The following CECR2 variants were observed in gnomAD, a reference collection of about 807,000 sequenced individuals.
CECR2 encodes CECR2 histone acetyl-lysine reader, also known as chromatin remodeling regulator CECR2.
CECR2 carries 30 observed loss-of-function variants against 154.5 expected under a neutral mutation model. The ratio of observed to expected loss-of-function variants is 0.19; its 90% CI spans 0.15 to 0.26. The LOEUF is 0.26. CECR2 is among the 10% of genes least tolerant of loss of function. The probability of loss-of-function intolerance (pLI) is 1.00; values close to 1 mark genes in which losing one functional copy is unlikely to be tolerated. For missense variants in CECR2, 1,743 were observed against 1,829.3 expected (o/e 0.95, Z 0.86); for synonymous variants, 725 against 683.7 (o/e 1.06, Z -0.94).
At chr22:17,533,335 A>AG (rs1481159012) in intron 9 of CECR2, among the ~76,000 whole-genome samples, 4 of 148,062 alleles carry the variant, frequency 2.7e-5, no homozygotes. Flanking sequence ...AAAAAAAAAA[A>AG]AAAAATTATG....
chr22:17,537,988 C>T (rs746230721), intron 10 of CECR2, among the ~76,000 whole-genome samples: 3 of 145,972 alleles, frequency 2.1e-5, no homozygotes, highest in South Asian at 4.3e-4. Flanking sequence ...AGTGAGACTC[C>T]GTCCAAAAAA....
chr22:17,480,425 C>CACACACAT (rs1181880212), intron 2 of CECR2, among the ~76,000 whole-genome samples: 1 of 115,106 alleles, frequency 8.7e-6, no homozygotes, highest in Non-Finnish European at 1.8e-5. Flanking sequence ...ATAATACACA[C>CACACACAT]ACACACACAC....
At chr22:17,427,903 C>A (rs1224174906) in intron 1 of CECR2, among the ~76,000 whole-genome samples, 1 of 152,214 alleles carries the variant, frequency 6.6e-6, no homozygotes, top group African/African-American at 2.4e-5. Flanking sequence ...AATCGCCACA[C>A]TGTCTTCCAA....
chr22:17,447,033 C>CTG (rs1339121774), intron 1 of CECR2, among the ~76,000 whole-genome samples: 5 of 114,108 alleles, frequency 4.4e-5, no homozygotes, highest in Admixed American at 1.9e-4. Flanking sequence ...CGTTTACAAT[C>CTG]TTTTTTTTTT....
intron 1 of CECR2, among the ~76,000 whole-genome samples, chr22:17,431,816 G>GTACAAGGGGACCCCTCGGCGGCTTT: frequency 6.6e-6 from 1 of 151,624 alleles, no homozygotes; most frequent in South Asian, 2.1e-4. Flanking sequence ...TTCACAAACC[G>GTACAAGGGGACCCCTCGGCGGCTTT]TACAATTAAC....
At chr22:17,444,630 C>T (rs1054297426) in intron 1 of CECR2, among the ~76,000 whole-genome samples, 6 of 151,728 alleles carry the variant, frequency 4.0e-5, no homozygotes, top group Non-Finnish European at 7.4e-5. Context: ...AAAAAAAAAA[C>T]TTGAACTACC....
rs1238851558 is a variant in CECR2 at position 17,542,160 on chromosome 22, C to T, written c.2017C>T (p.Pro673Ser). ...QQRQPFTMQP[P>S]VGINSLRGPR... ...TGCTGCCTTTTCTCGTTGCCAGCCTCCAGTTGGAATTAACAGCCTCCGAGG... is the reference window on the plus strand; with the variant it reads ...TGCTGCCTTTTCTCGTTGCCAGCCTTCAGTTGGAATTAACAGCCTCCGAGG... Residue 673 changes from proline to serine, a missense_variant, in exon 16 of 19, where the codon CCA becomes TCA. This residue lies in a region of CECR2 where 1,250 missense variants were observed against 1,192.1 expected (regional missense o/e 1.05). Coordinates refer to ENST00000262608, the MANE Select transcript of CECR2 (RefSeq NM_001290047.2). The T allele has an allele frequency of 6.2e-7, 1 of 1,608,624 alleles. No homozygotes were observed. Among genetic ancestry groups the T allele is most frequent in the Non-Finnish European group, 8.5e-7 (1 of 1,175,862 alleles).
intron 7 of CECR2, among the ~76,000 whole-genome samples, chr22:17,510,650 G>A (rs927288888): frequency 2.0e-5 from 3 of 152,138 alleles, no homozygotes; most frequent in Non-Finnish European, 2.9e-5. Flanking sequence ...CGCCCAGGCT[G>A]GAGTGCAGTG....
At chr22:17,505,256 C>T (rs983667568) in intron 7 of CECR2, among the ~76,000 whole-genome samples, 6 of 151,900 alleles carry the variant, frequency 3.9e-5, no homozygotes, top group African/African-American at 7.3e-5. Flanking sequence ...CCAATAGTGA[C>T]GGTGGCTTTT....
At chr22:17,530,461 CAGG>C (rs556627667) in intron 9 of CECR2, among the ~76,000 whole-genome samples, 2 of 151,878 alleles carry the variant, frequency 1.3e-5, no homozygotes, top group African/African-American at 2.4e-5. Context: ...ATCACGAGGT[CAGG>C]AGATTGACAC....
At chr22:17,435,226 C>T (rs1165076870) in intron 1 of CECR2, among the ~76,000 whole-genome samples, 1 of 151,794 alleles carries the variant, frequency 6.6e-6, no homozygotes, top group Non-Finnish European at 1.5e-5. Flanking sequence ...TAATGTTGGA[C>T]AACCAGTGAA....
rs1188195849 is a variant in CECR2, at chr22:17,524,692, C to CTTT, written c.1108+443_1108+445dup. Among the ~76,000 whole-genome samples the CTTT allele has an allele frequency of 1.1e-3, 50 of 44,312 alleles. 1 individual carries two copies. The highest frequency in any genetic ancestry group is 2.4e-3 in the African/African-American group (20 of 8,354). The allele number at this position is 44,312 out of a possible 152,430, so 29.1% of individuals were successfully genotyped here. A position where few individuals can be genotyped will look rare whatever the true frequency, so the allele number is the denominator to read the frequency against. ...CAGGCATGAGCCACCATGCCTGGCC[C>CTTT]TTTTTTTTTTTTTTTTTTTTTTTTG... On this transcript the variant is annotated intron_variant, in intron 9 of 18. Transcript: ENST00000262608.
At chr22:17,386,074 A>T (rs1337581591) in intron 1 of CECR2, among the ~76,000 whole-genome samples, 1 of 152,228 alleles carries the variant, frequency 6.6e-6, no homozygotes, top group East Asian at 1.9e-4. Context: ...GGTAGGTGTC[A>T]TTGAGCCCTC....
At chr22:17,402,868 C>A (rs990386996) in intron 1 of CECR2, among the ~76,000 whole-genome samples, 6 of 151,750 alleles carry the variant, frequency 4.0e-5, no homozygotes, top group African/African-American at 9.7e-5. Context: ...AGCAGTTCTC[C>A]TGCCTCAGCC....
rs1601395321 is a variant in CECR2, at chr22:17,459,792, C to G, written c.127-17796C>G. On this transcript the variant is annotated intron_variant, in intron 1 of 18. Coordinates refer to ENST00000262608, the MANE Select transcript of CECR2 (RefSeq NM_001290047.2). ...TTTGAAAATCTTCAACACAGGAAAC[C>G]TGGCTTTTCACATGGGTTTTCCAAA... is the stretch of plus-strand genomic sequence containing the variant. Among the ~76,000 whole-genome samples, 3 of 152,320 alleles carry G rather than the reference C, an allele frequency of 2.0e-5. 1 individual carries two copies. Among genetic ancestry groups the G allele is most frequent in the Admixed American group, 2.0e-4 (3 of 15,306 alleles).
At position 17,540,475 on chromosome 22, in the gene CECR2, C is replaced by A. The variant is rs1386547944; in HGVS notation, c.1559C>A (p.Pro520His). Residue 520 changes from proline to histidine, a missense_variant, in exon 14 of 19, where the codon CCT (proline) becomes CAT (histidine). This residue lies in a region of CECR2 where 103 missense variants were observed against 166.8 expected (regional missense o/e 0.62). Transcript: ENST00000262608. ...CATCGGGCAATGATGAAACATTTTCCTGGAGAAGATGGAGACACAGATGAA... is the reference window on the plus strand; with the variant it reads ...CATCGGGCAATGATGAAACATTTTCATGGAGAAGATGGAGACACAGATGAA... ...CFHRAMMKHFPGEDGDTDEEF... is the reference protein window; with the variant it reads ...CFHRAMMKHFHGEDGDTDEEF... 1.2e-6 allele frequency: 2 copies of A among 1,600,122 alleles called. No homozygotes were observed. The highest frequency in any genetic ancestry group is 1.7e-5 in the Admixed American group (1 of 57,850).
At chr22:17,445,543 T>A (rs1223884951) in intron 1 of CECR2, among the ~76,000 whole-genome samples, 2 of 141,438 alleles carry the variant, frequency 1.4e-5, no homozygotes, top group Admixed American at 7.2e-5. Context: ...TGCTCTATAC[T>A]TTATTATTAT....
chr22:17,370,530 G>A (rs1191761797), intron 1 of CECR2, among the ~76,000 whole-genome samples: 6 of 152,114 alleles, frequency 3.9e-5, no homozygotes, highest in Non-Finnish European at 7.4e-5. Context: ...TTGGGACTCC[G>A]TTATTCTTCC....
intron 1 of CECR2, among the ~76,000 whole-genome samples, chr22:17,433,300 G>A (rs1281280053): frequency 6.6e-6 from 1 of 152,096 alleles, no homozygotes; most frequent in Non-Finnish European, 1.5e-5. Context: ...ACCCAGTTTG[G>A]GGAAAGTTTA....
Sources: allele counts gnomAD v4.1 joint callset (sites outside exome capture counted in the v4.1 genomes callset), GRCh38; gene constraint gnomAD v4.1.1; regional missense constraint gnomAD v4.1.1; transcripts MANE v1.5; gene names NCBI Gene and HGNC (gene_info 2026-07-23, HGNC 2026-07-21).